CAMKMT: variants seen among roughly 807,000 people sequenced by gnomAD.
CAMKMT encodes the protein calmodulin-lysine N-methyltransferase.
In CAMKMT, 53 loss-of-function variants were observed where a neutral mutation model predicts 48.0. That is an observed-to-expected ratio of 1.10 (90% confidence interval 0.89 to 1.39). The LOEUF is 1.39. Among genes scored for constraint, CAMKMT ranks in the 40% most tolerant of loss-of-function variants. CAMKMT has a pLI of 0.00. For synonymous variants in CAMKMT, 165 were observed against 152.3 expected, an observed-to-expected ratio of 1.08 and a Z score of -0.61; for missense variants, 428 against 402.7, an observed-to-expected ratio of 1.06 and a Z score of -0.54.
At chr2:44,756,762 A>G (rs1342777257) in intron 9 of CAMKMT, among the ~76,000 whole-genome samples, 1 of 151,644 alleles carries the variant, frequency 6.6e-6, no homozygotes, top group Non-Finnish European at 1.5e-5. Flanking sequence ...AAAAAGAAAA[A>G]GAAAAAGAAG....
chr2:44,466,883 A>T (rs2104637195), intron 3 of CAMKMT, among the ~76,000 whole-genome samples: 1 of 152,328 alleles, frequency 6.6e-6, no homozygotes, highest in African/African-American at 2.4e-5. Context: ...GAACAATTAC[A>T]CAGCAACACA....
chr2:44,659,539 G>A (rs1674564784), intron 3 of CAMKMT, among the ~76,000 whole-genome samples: 1 of 149,622 alleles, frequency 6.7e-6, no homozygotes, highest in Non-Finnish European at 1.5e-5. Flanking sequence ...AGACCAGCCT[G>A]GGCAACATAG....
chr2:44,749,181 A>G (rs1558834181), intron 8 of CAMKMT, among the ~76,000 whole-genome samples: 1 of 152,190 alleles, frequency 6.6e-6, no homozygotes, highest in South Asian at 2.1e-4. Flanking sequence ...AGAACCTTCC[A>G]TGGAACCTGT....
rs181897288 is a variant in CAMKMT, at chr2:44,575,886, G to A, written c.377-128397G>A. 3.4e-3 allele frequency among the ~76,000 whole-genome samples: 511 copies of A among 152,160 alleles called. 4 individuals carry two copies. The highest frequency in any genetic ancestry group is 0.016 in the South Asian group (76 of 4,802). On this transcript the variant is annotated intron_variant, in intron 3 of 10. Transcript: ENST00000378494. ...AAATTTAAAAAATTGTTAAGTGCTTGTAAAGTATGAGTGAGACTCTAAGGT... is the reference window on the plus strand; with the variant it reads ...AAATTTAAAAAATTGTTAAGTGCTTATAAAGTATGAGTGAGACTCTAAGGT...
intron 3 of CAMKMT, among the ~76,000 whole-genome samples, chr2:44,682,672 T>C (rs1379592565): frequency 3.9e-5 from 6 of 152,218 alleles, no homozygotes; most frequent in African/African-American, 1.4e-4. Flanking sequence ...CAGCCTCAGA[T>C]AAATACCAAA....
chr2:44,643,560 T>C (rs1041448339), intron 3 of CAMKMT, among the ~76,000 whole-genome samples: 1 of 152,270 alleles, frequency 6.6e-6, no homozygotes, highest in East Asian at 1.9e-4. Context: ...ACCTATAAAA[T>C]TGTTTTTAAA....
At chr2:44,602,208 G>T (rs1671036119) in intron 3 of CAMKMT, among the ~76,000 whole-genome samples, 1 of 151,896 alleles carries the variant, frequency 6.6e-6, no homozygotes, top group Non-Finnish European at 1.5e-5. Flanking sequence ...GTTTCACCAT[G>T]TTGCCCAGTC....
chr2:44,705,913 G>A (rs761393416), intron 4 of CAMKMT, among the ~76,000 whole-genome samples: 2 of 152,020 alleles, frequency 1.3e-5, no homozygotes, highest in African/African-American at 2.4e-5. Context: ...GTTTTTGAAG[G>A]AATGAATGTG....
At chr2:44,749,607 A>G (rs1373121194) in intron 8 of CAMKMT, among the ~76,000 whole-genome samples, 1 of 152,184 alleles carries the variant, frequency 6.6e-6, no homozygotes, top group Non-Finnish European at 1.5e-5. Context: ...ATCAACTAAC[A>G]TATCTTATTA....
chr2:44,535,244 C>T (rs1666705912), intron 3 of CAMKMT, among the ~76,000 whole-genome samples: 3 of 152,098 alleles, frequency 2.0e-5, no homozygotes, highest in South Asian at 2.1e-4. Flanking sequence ...GAGATTGAAT[C>T]AGTAATAAAA....
At chr2:44,367,943 T>C (rs1678780609) in intron 1 of CAMKMT, among the ~76,000 whole-genome samples, 1 of 152,258 alleles carries the variant, frequency 6.6e-6, no homozygotes, top group Admixed American at 6.5e-5. Flanking sequence ...TAAGTGTTTC[T>C]GTATAGTTAT....
At chr2:44,760,488 G>A (rs1281499147) in intron 9 of CAMKMT, among the ~76,000 whole-genome samples, 1 of 151,642 alleles carries the variant, frequency 6.6e-6, no homozygotes, top group East Asian at 1.9e-4. Context: ...GCGGGTGCCT[G>A]TAGTCTCAGC....
chr2:44,605,074 A>G (rs17032430), intron 3 of CAMKMT, among the ~76,000 whole-genome samples: 5,709 of 152,208 alleles, frequency 0.038, 287 homozygotes, highest in African/African-American at 0.12. Context: ...CTGTCTTCCA[A>G]AAATTCATGG....
At chr2:44,379,093 TG>T (rs1679985402) in intron 2 of CAMKMT, among the ~76,000 whole-genome samples, 1 of 152,208 alleles carries the variant, frequency 6.6e-6, no homozygotes, top group Admixed American at 6.5e-5. Flanking sequence ...CTCTAGTCCC[TG>T]GCAACCAGTA....
intron 3 of CAMKMT, among the ~76,000 whole-genome samples, chr2:44,686,751 C>A (rs77364535): frequency 6.6e-6 from 1 of 152,134 alleles, no homozygotes; most frequent in South Asian, 2.1e-4. Flanking sequence ...GATGACTAAC[C>A]CTATGCTCAT....
At chr2:44,414,779 A>T (rs922615633) in intron 3 of CAMKMT, among the ~76,000 whole-genome samples, 1 of 152,238 alleles carries the variant, frequency 6.6e-6, no homozygotes, top group African/African-American at 2.4e-5. Context: ...GTAGTTCTCT[A>T]GCTGGCTATC....
intron 7 of CAMKMT, among the ~76,000 whole-genome samples, chr2:44,738,640 A>C (rs1320534352): frequency 1.3e-5 from 2 of 152,230 alleles, no homozygotes; most frequent in African/African-American, 2.4e-5. Flanking sequence ...CACTGTACAA[A>C]ACAGATTTTA....
At chr2:44,737,231 T>C (rs1308331336) in intron 7 of CAMKMT, among the ~76,000 whole-genome samples, 2 of 152,150 alleles carry the variant, frequency 1.3e-5, no homozygotes, top group African/African-American at 4.8e-5. Context: ...TCCTCCCTTC[T>C]CAGCCCCCCA....
At chr2:44,566,884 G>C (rs1668644724) in intron 3 of CAMKMT, among the ~76,000 whole-genome samples, 1 of 152,176 alleles carries the variant, frequency 6.6e-6, no homozygotes, top group South Asian at 2.1e-4. Context: ...AAGGATTACT[G>C]TTAATGTGTT....
Sources: gnomAD v4.1 joint callset for allele counts (sites outside exome capture counted in the v4.1 genomes callset) on GRCh38, gnomAD v4.1.1 for gene constraint, MANE v1.5 for transcripts, NCBI Gene and HGNC (gene_info 2026-07-23, HGNC 2026-07-21) for gene names.